The following AKAP13 variants were observed in gnomAD, a reference collection of about 807,000 sequenced individuals.
The protein encoded by AKAP13 is A-kinase anchoring protein 13, also known as A-kinase anchor protein 13.
AKAP13 carries 80 observed loss-of-function variants against 264.5 expected under a neutral mutation model. The observed-to-expected ratio is 0.30, with a 90% CI of 0.25 to 0.36. The LOEUF (loss-of-function observed/expected upper bound fraction) is 0.36. Ranked by LOEUF, AKAP13 falls within the 10% of genes least tolerant of loss-of-function variation. The pLI, the probability that AKAP13 is intolerant of heterozygous loss-of-function variation, is 1.00. For synonymous variants in AKAP13, 1,380 were observed against 1,250.2 expected (o/e 1.10, Z -2.19); for missense variants, 3,712 against 3,435.2 (o/e 1.08, Z -2.01).
At chr15:85,603,812 T>C (rs1299954247) in intron 8 of AKAP13, among the ~76,000 whole-genome samples, 1 of 152,218 alleles carries the variant, frequency 6.6e-6, no homozygotes, top group Non-Finnish European at 1.5e-5. Flanking sequence ...TGGTGTCCTC[T>C]TCGCTCTCTC....
chr15:85,565,665 AG>A (rs2078580559), intron 5 of AKAP13, among the ~76,000 whole-genome samples: 1 of 152,214 alleles, frequency 6.6e-6, no homozygotes, highest in Non-Finnish European at 1.5e-5. Context: ...ATGTGGTAGT[AG>A]TACATAAAGA....
intron 16 of AKAP13, among the ~76,000 whole-genome samples, chr15:85,685,597 C>G (rs626634): frequency 0.081 from 12,237 of 151,916 alleles, 821 homozygotes; most frequent in East Asian, 0.37. Context: ...CAGTTTCCTG[C>G]CTCGCACCGT....
chr15:85,438,159 C>G (rs1160371194), intron 1 of AKAP13, among the ~76,000 whole-genome samples: 1 of 146,062 alleles, frequency 6.8e-6, no homozygotes, highest in South Asian at 2.2e-4. Flanking sequence ...CACAAGCATT[C>G]TCATACACCA....
At chr15:85,527,216 G>A (rs1210311673) in intron 3 of AKAP13, among the ~76,000 whole-genome samples, 1 of 152,118 alleles carries the variant, frequency 6.6e-6, no homozygotes, top group Admixed American at 6.5e-5. Context: ...GCCCGCCTTG[G>A]CCTCCCACAG....
At chr15:85,654,791 C>A (rs752969755) in intron 10 of AKAP13, among the ~76,000 whole-genome samples, 8 of 151,210 alleles carry the variant, frequency 5.3e-5, no homozygotes, top group Non-Finnish European at 7.4e-5. Context: ...ACCACTGCAC[C>A]CCAGCCTGGG....
chr15:85,512,876 A>T (rs2076485835), intron 2 of AKAP13, among the ~76,000 whole-genome samples: 1 of 149,624 alleles, frequency 6.7e-6, no homozygotes, highest in Non-Finnish European at 1.5e-5. Context: ...TATGTTTTTG[A>T]GGTGGAGTCT....
chr15:85,541,218 A>G (rs1197112324), intron 4 of AKAP13, among the ~76,000 whole-genome samples: 1 of 152,258 alleles, frequency 6.6e-6, no homozygotes, highest in Non-Finnish European at 1.5e-5. Context: ...ATTGAATGCT[A>G]GTTAATTATA....
intron 8 of AKAP13, among the ~76,000 whole-genome samples, chr15:85,628,871 C>T (rs1231077685): frequency 3.3e-5 from 5 of 151,978 alleles, no homozygotes; most frequent in Non-Finnish European, 7.4e-5. Flanking sequence ...AAATTGTAAA[C>T]AATTATTATT....
At chr15:85,589,046 C>T (rs1268281890) in intron 8 of AKAP13, among the ~76,000 whole-genome samples, 1 of 152,150 alleles carries the variant, frequency 6.6e-6, no homozygotes, top group East Asian at 1.9e-4. Flanking sequence ...TTTGTGTTCA[C>T]AGCATTCTTA....
chr15:85,526,838 G>T (rs7165300), intron 3 of AKAP13, among the ~76,000 whole-genome samples: 1 of 151,924 alleles, frequency 6.6e-6, no homozygotes, highest in African/African-American at 2.4e-5. Flanking sequence ...TTATATTCTA[G>T]AAAACTTAAA....
chr15:85,726,450 T>G lies in AKAP13; in HGVS notation c.6786T>G (p.Leu2262=). Reference sequence around the variant, plus strand: ...TTCTCACTGACATTTTAGTTTTCCTTCAAGAAAAAGACCAGAAGTACATCT... The same window carrying G: ...TTCTCACTGACATTTTAGTTTTCCTGCAAGAAAAAGACCAGAAGTACATCT... The part of the protein sequence containing the change: ...AVLLTDILVF[L]QEKDQKYIFA... The change falls in exon 27 of 37, where the codon CTT becomes CTG. Residue 2262 remains leucine (L), a synonymous_variant. Coordinates refer to ENST00000394518, the MANE Select transcript of AKAP13 (RefSeq NM_007200.5). The G allele has an allele frequency of 6.2e-7, 1 of 1,613,874 alleles. No homozygotes were observed. The highest frequency in any genetic ancestry group is 8.5e-7 in the Non-Finnish European group (1 of 1,179,808).
intron 1 of AKAP13, among the ~76,000 whole-genome samples, chr15:85,483,920 C>A (rs1417483496): frequency 1.3e-5 from 2 of 151,940 alleles, no homozygotes; most frequent in Non-Finnish European, 2.9e-5. Flanking sequence ...CAACACAATT[C>A]TTCTTCTTCC....
At chr15:85,467,822 G>A (rs1039091185) in intron 1 of AKAP13, among the ~76,000 whole-genome samples, 2 of 152,024 alleles carry the variant, frequency 1.3e-5, no homozygotes, top group East Asian at 1.9e-4. Context: ...CAATCTTTTC[G>A]GCTCTGTTAT....
chr15:85,521,256 G>C (rs1221327037), intron 2 of AKAP13, among the ~76,000 whole-genome samples, 172 bp from the exon 3 acceptor site: 1 of 152,244 alleles, frequency 6.6e-6, no homozygotes, highest in Non-Finnish European at 1.5e-5. Flanking sequence ...TGAATGCCTA[G>C]ATGATTGCCT....
intron 5 of AKAP13, among the ~76,000 whole-genome samples, chr15:85,574,711 C>T (rs1183566117): frequency 6.6e-6 from 1 of 152,134 alleles, no homozygotes; most frequent in African/African-American, 2.4e-5. Context: ...AGTGGTTCTT[C>T]TCTTGCCATT....
At chr15:85,662,726 T>A (rs11637216) in intron 12 of AKAP13, among the ~76,000 whole-genome samples, 5 of 152,174 alleles carry the variant, frequency 3.3e-5, no homozygotes, top group Non-Finnish European at 5.9e-5. Flanking sequence ...TTGGTTTGTC[T>A]TGATTTTCAG....
intron 8 of AKAP13, among the ~76,000 whole-genome samples, chr15:85,586,146 G>A (rs1361539391): frequency 6.6e-6 from 1 of 151,888 alleles, no homozygotes; most frequent in Non-Finnish European, 1.5e-5. Flanking sequence ...TCACAAAAGG[G>A]GATCTATAGA....
At chr15:85,438,554 C>T (rs1206501166) in intron 1 of AKAP13, among the ~76,000 whole-genome samples, 4 of 146,470 alleles carry the variant, frequency 2.7e-5, no homozygotes, top group African/African-American at 1.0e-4. Flanking sequence ...ATCACACTAC[C>T]TGACTTCAAA....
intron 25 of AKAP13, 62 bp downstream of exon 25, chr15:85,722,409 T>G: frequency 7.4e-7 from 1 of 1,349,818 alleles, no homozygotes; most frequent in Non-Finnish European, 1.0e-6. Context: ...TGGCCAGTAG[T>G]ACTGGAAGCC....
Sources: allele counts gnomAD v4.1 joint callset (sites outside exome capture counted in the v4.1 genomes callset), GRCh38; gene constraint gnomAD v4.1.1; transcripts MANE v1.5; gene names NCBI Gene and HGNC (gene_info 2026-07-23, HGNC 2026-07-21).